Variants in CNIH3 observed in about 807,000 individuals in gnomAD.
CNIH3 encodes the protein cornichon family AMPA receptor auxiliary protein 3.
A neutral mutation model predicts 24.1 loss-of-function variants in CNIH3; 14 were observed. The ratio of observed to expected loss-of-function variants is 0.58; its 90% confidence interval spans 0.38 to 0.91. The LOEUF is 0.91. Ranked by LOEUF, CNIH3 falls within the 40% of genes least tolerant of loss-of-function variation. The pLI, the probability that CNIH3 is intolerant of heterozygous loss-of-function variation, is 0.00. For missense variants in CNIH3, 178 were observed against 196.8 expected (o/e 0.90, Z 0.57); for synonymous variants, 68 against 73.8 (o/e 0.92, Z 0.40).
rs111652774 is a variant in CNIH3, at chr1:224,624,602, C to G, written c.81+7347C>G. Among the ~76,000 whole-genome samples, 607 of 152,268 alleles carry G rather than the reference C, an allele frequency of 4.0e-3. 5 individuals are homozygous for G. The highest frequency in any genetic ancestry group is 0.013 in the African/African-American group (554 of 41,538). Reference sequence around the variant, plus strand: ...CTTCCCATCCCTGCCTTGGTTCAGGCCCCCATTTGCTGTTTCTCAGAGCAT... The same window carrying G: ...CTTCCCATCCCTGCCTTGGTTCAGGGCCCCATTTGCTGTTTCTCAGAGCAT... On this transcript the variant is annotated intron_variant, in intron 1 of 5. Transcript: ENST00000272133.
intron 1 of CNIH3, among the ~76,000 whole-genome samples, chr1:224,667,327 T>A (rs1685642822): frequency 6.6e-6 from 1 of 152,190 alleles, no homozygotes; most frequent in African/African-American, 2.4e-5. Flanking sequence ...TGAGTGCAAT[T>A]GATTTTCATT....
intron 1 of CNIH3, among the ~76,000 whole-genome samples, chr1:224,670,740 GTCATCAC>G (rs1169568952): frequency 6.6e-6 from 1 of 152,186 alleles, no homozygotes; most frequent in East Asian, 1.9e-4. Context: ...GGACCCACTG[GTCATCAC>G]TCTGCCATTT....
chr1:224,704,520 C>A lies in CNIH3; in HGVS notation c.198+19677C>A, dbSNP rs1408512579. 2.6e-5 allele frequency among the ~76,000 whole-genome samples: 4 copies of A among 152,078 alleles called. No individual in the cohort carries two copies. The highest frequency in any genetic ancestry group is 9.7e-5 in the African/African-American group (4 of 41,382). ...GTTGGAAGAGCAGCACAATGAACAC[C>A]CACGTAGCCTTCACCAAGATCCGCC... is the stretch of plus-strand genomic sequence containing the variant. On this transcript the variant is annotated intron_variant, in intron 3 of 5. Coordinates refer to ENST00000272133, the MANE Select transcript of CNIH3 (RefSeq NM_152495.2). The surrounding 1 kb of genome is among the most constrained non-coding windows in gnomAD (Gnocchi z 4.2).
chr1:224,445,242 C>G (rs939102942), intron 1 of CNIH3, among the ~76,000 whole-genome samples: 1 of 151,830 alleles, frequency 6.6e-6, no homozygotes, highest in South Asian at 2.1e-4. Context: ...TTGTGAAGTG[C>G]CTTTTCAAAT....
At chr1:224,709,931 A>G (rs1021164480) in intron 3 of CNIH3, among the ~76,000 whole-genome samples, 12 of 152,332 alleles carry the variant, frequency 7.9e-5, no homozygotes, top group Admixed American at 5.9e-4. Context: ...ATCCATACAT[A>G]TCTATGATAA....
At chr1:224,513,966 C>T (rs1678276471), upstream of CNIH3, 1 of 152,218 alleles carries the variant, frequency 6.6e-6, no homozygotes, top group Admixed American at 6.5e-5. Context: ...GCTCACGTTC[C>T]TTCCCTCCCT....
chr1:224,440,380 C>T (rs894446881), intron 1 of CNIH3, among the ~76,000 whole-genome samples: 1 of 152,156 alleles, frequency 6.6e-6, no homozygotes, highest in Non-Finnish European at 1.5e-5. Flanking sequence ...CAGGTGCACA[C>T]CACCTGGCTA....
chr1:224,699,218 G>A (rs1232708858), intron 3 of CNIH3, among the ~76,000 whole-genome samples: 2 of 152,168 alleles, frequency 1.3e-5, no homozygotes, highest in East Asian at 1.9e-4. Flanking sequence ...CTCTTCTCTA[G>A]TCTGACTACC....
chr1:224,614,861 C>T (rs1682870629), upstream of CNIH3, among the ~76,000 whole-genome samples: 3 of 150,618 alleles, frequency 2.0e-5, no homozygotes, highest in South Asian at 4.2e-4. Context: ...GCAGGAGAAT[C>T]GCTTGAACCA....
intron 1 of CNIH3, among the ~76,000 whole-genome samples, chr1:224,502,739 G>A (rs963290902): frequency 6.6e-6 from 1 of 152,156 alleles, no homozygotes; most frequent in Non-Finnish European, 1.5e-5. Flanking sequence ...AGTTTTCACC[G>A]CTGGGTGTTT....
intron 1 of CNIH3, among the ~76,000 whole-genome samples, chr1:224,501,629 G>A (rs1217091821): frequency 6.6e-6 from 1 of 150,650 alleles, no homozygotes; most frequent in Non-Finnish European, 1.5e-5. Context: ...CGCCCAGGCT[G>A]GAGTGCAGTG....
At chr1:224,485,458 A>T (rs946835961) in intron 1 of CNIH3, among the ~76,000 whole-genome samples, 1 of 151,414 alleles carries the variant, frequency 6.6e-6, no homozygotes, top group Non-Finnish European at 1.5e-5. Flanking sequence ...CTTTTCCCAC[A>T]CCTTCTTTCC....
intron 2 of CNIH3, among the ~76,000 whole-genome samples, chr1:224,532,452 G>T (rs1010708506): frequency 6.6e-6 from 1 of 152,142 alleles, no homozygotes; most frequent in African/African-American, 2.4e-5. Flanking sequence ...CCTTGTCGAG[G>T]GCAAAGTGGA....
At chr1:224,627,427 T>C (rs953945758) in intron 1 of CNIH3, among the ~76,000 whole-genome samples, 1 of 152,302 alleles carries the variant, frequency 6.6e-6, no homozygotes, top group African/African-American at 2.4e-5. Context: ...GGTTTCACCA[T>C]GTTGTTCAGG....
At chr1:224,589,723 G>A (rs1681668608), downstream of CNIH3, among the ~76,000 whole-genome samples, 1 of 152,158 alleles carries the variant, frequency 6.6e-6, no homozygotes, top group Non-Finnish European at 1.5e-5. Flanking sequence ...AGTGCTCTTT[G>A]GGTGGCTCTG....
chr1:224,453,324 CAT>C lies in CNIH3; in HGVS notation n.203+18463_203+18464del, dbSNP rs376459919. Among the ~76,000 whole-genome samples the C allele has an allele frequency of 1.1e-4, 16 of 151,994 alleles. No homozygotes were observed. In the East Asian group the frequency reaches 2.3e-3, roughly 22 times the overall value. On this transcript the variant is annotated intron_variant and non_coding_transcript_variant, in intron 1 of 5. Transcript: ENST00000471578. ...CCTCCTGAGTAGCTGGGTCCACAGA[CAT>C]GAGCCACCATGCCTGGCCATTTTTT...
rs1675776974 is a variant in CNIH3, at chr1:224,458,606, A to G, written n.203+23744A>G. On this transcript the variant is annotated intron_variant and non_coding_transcript_variant, in intron 1 of 5. Transcript: ENST00000471578. This position sits in a 1 kb window ranked among gnomAD's most constrained non-coding sequence, Gnocchi z 4.3. ...CCTTCCACTGTTGAACAGACCTCCT[A>G]CCACTTTCCTACTACTCCCCCTAAT... Among the ~76,000 whole-genome samples, 1 of 152,072 alleles carries G rather than the reference A, an allele frequency of 6.6e-6. No individual in the cohort carries two copies. The highest frequency in any genetic ancestry group is 6.5e-5 in the Admixed American group (1 of 15,274).
intron 1 of CNIH3, among the ~76,000 whole-genome samples, chr1:224,475,363 AAAAG>A (rs1438178878): frequency 6.7e-6 from 1 of 148,846 alleles, no homozygotes. Context: ...CTCAAAAAAA[AAAAG>A]AAAAGAAAAG....
At position 224,517,184 on chromosome 1, in the gene CNIH3, C is replaced by T. The variant is rs115820682; in HGVS notation, n.15+1308C>T. 8.0e-3 allele frequency among the ~76,000 whole-genome samples: 1,225 copies of T among 152,218 alleles called. 13 individuals are homozygous for T. Among genetic ancestry groups the T allele is most frequent in the Middle Eastern group, 0.014 (4 of 294 alleles). On this transcript the variant is annotated intron_variant and non_coding_transcript_variant, in intron 1 of 2. Coordinates refer to the CNIH3 transcript ENST00000470602. ...CTCTTGACCTGATGGAGGTTGGCGG[C>T]GGTGGTGGGATGACCTCCATACTCC...
Sources: gnomAD v4.1 joint callset for allele counts (sites outside exome capture counted in the v4.1 genomes callset) on GRCh38, gnomAD v4.1.1 for gene constraint, Gnocchi (gnomAD v3.1) non-coding constraint, MANE v1.5 for transcripts, NCBI Gene and HGNC (gene_info 2026-07-23, HGNC 2026-07-21) for gene names.